Variants in DLX1 observed in about 807,000 individuals in gnomAD.
The protein encoded by DLX1 is homeobox protein DLX-1.
Under a neutral mutation model 25.0 loss-of-function variants are expected in DLX1, and 7 were observed. The observed-to-expected ratio is 0.28, with a 90% CI of 0.16 to 0.52. DLX1 has a LOEUF of 0.52. Ranked by LOEUF, DLX1 falls within the 20% of genes least tolerant of loss-of-function variation. The pLI is 0.96. For synonymous variants in DLX1, 155 were observed against 140.3 expected, an observed-to-expected ratio of 1.10 and a Z score of -0.74; for missense variants, 233 against 334.4, an observed-to-expected ratio of 0.70 and a Z score of 2.37.
At chr2:172,087,018 C>T (rs914173357) in intron 2 of DLX1, 165 bp downstream of exon 2, 3 of 770,944 alleles carry the variant, frequency 3.9e-6, no homozygotes, top group African/African-American at 3.4e-5. Flanking sequence ...CCCTCATTCC[C>T]TCTGCCCTAG....
At chr2:172,086,874 C>G (rs781505727) in intron 2 of DLX1, 21 bp downstream of exon 2, 24 of 1,613,602 alleles carry the variant, frequency 1.5e-5, no homozygotes, top group African/African-American at 2.7e-5. Flanking sequence ...GCTGCCGCTC[C>G]GTTCTGCCAC....
intron 2 of DLX1, 184 bp downstream of exon 2, chr2:172,087,037 C>T (rs1303471185): frequency 1.3e-6 from 1 of 741,850 alleles, no homozygotes; most frequent in Admixed American, 2.0e-5. Flanking sequence ...AGCTCTGTCA[C>T]TGCTCTCGGT....
chr2:172,087,400 G>C (rs1471634662), intron 2 of DLX1: 3 of 411,430 alleles, frequency 7.3e-6, no homozygotes, highest in Non-Finnish European at 1.5e-5. Context: ...GTTCCTGACG[G>C]CGGCGGGCGC....
rs990037511 is a variant in DLX1, at chr2:172,088,600, T to C, written c.*343T>C. On this transcript the variant is annotated 3_prime_UTR_variant, in exon 3 of 3. Transcript: ENST00000361725. The stretch of plus-strand genomic sequence containing the variant: ...AGGAAAAAACAAAACAAAAACAAAA[T>C]GTAGAAAAAGCAAAAGCTCTTTTCT... 6 of 251,606 alleles carry C rather than the reference T, an allele frequency of 2.4e-5. No individual in the cohort carries two copies. Among genetic ancestry groups the C allele is most frequent in the Non-Finnish European group, 4.5e-5 (6 of 132,466 alleles). The allele number at this position is 251,606 out of a possible 1,614,324, so 15.6% of individuals were successfully genotyped here. A position where few individuals can be genotyped will look rare whatever the true frequency, so the allele number is the denominator to read the frequency against.
Position 172,085,948 on chromosome 2 carries a change from C to A in DLX1, c.271C>A (p.Pro91Thr), listed in dbSNP as rs780725545. The change falls in exon 1 of 3, where the codon CCG becomes ACG. Residue 91 changes from proline to threonine, a missense_variant. This residue lies in a region of DLX1 where 126 missense variants were observed against 170.4 expected (regional missense o/e 0.74). Coordinates refer to ENST00000361725, the MANE Select transcript of DLX1 (RefSeq NM_178120.5). The surrounding 1 kb of genome is among the most constrained non-coding windows in gnomAD (Gnocchi z 4.3). Reference sequence around the variant, plus strand: ...CTACATCAGTTCGGTGCAGTCCTACCCGGGCAGCGCCAGCCTCGCCCAGAG... The same window carrying A: ...CTACATCAGTTCGGTGCAGTCCTACACGGGCAGCGCCAGCCTCGCCCAGAG... ...SPYISSVQSY[P>T]GSASLAQSRL... 6.2e-7 allele frequency: 1 copy of A among 1,613,844 alleles called. No homozygotes were observed. Among genetic ancestry groups the A allele is most frequent in the South Asian group, 1.1e-5 (1 of 91,068 alleles).
chr2:172,087,391 T>C, intron 2 of DLX1: 1 of 408,064 alleles, frequency 2.5e-6, no homozygotes, highest in Admixed American at 2.8e-5. Context: ...CCCGTGAGCG[T>C]TCCTGACGGC....
At chr2:172,087,901 G>C in intron 2 of DLX1, 102 bp from the exon 3 acceptor site, 1 of 1,464,176 alleles carries the variant, frequency 6.8e-7, no homozygotes, top group Non-Finnish European at 9.2e-7. Context: ...CGCAGGGTTG[G>C]GAGGTCCTAT....
chr2:172,086,050 G>T, intron 1 of DLX1, 60 bp downstream of exon 1: 1 of 1,486,446 alleles, frequency 6.7e-7, no homozygotes, highest in South Asian at 1.3e-5. Context: ...GGGAAAGAAG[G>T]AGCGGGGGAG....
At position 172,086,873 on chromosome 2, in the gene DLX1, C is replaced by G; in HGVS notation, c.513+20C>G. On this transcript the variant is annotated intron_variant, in intron 2 of 2. Transcript: ENST00000361725. ...ACTCAGGTACCTCGCCGCTGCCGCT[C>G]CGTTCTGCCACGCAGGCTTTCCGCG... 1 of 1,613,904 alleles carries G rather than the reference C, an allele frequency of 6.2e-7. No homozygotes were observed. The highest frequency in any genetic ancestry group is 1.3e-5 in the African/African-American group (1 of 75,072).
At position 172,088,131 on chromosome 2, in the gene DLX1, C is replaced by A; in HGVS notation, c.642C>A (p.Pro214=). ...CTGCTGGCTCCCCACCCGTGCCGCC[C>A]GGCTGGAACCCTAACTCTTCATCCG... ...ALSAGSPPVP[P]GWNPNSSSGK... is the part of the protein sequence containing the mutation. The change falls in exon 3 of 3, where the codon CCC becomes CCA. Residue 214 remains proline (P), a synonymous_variant. Transcript: ENST00000361725. The A allele has an allele frequency of 1.4e-5, 22 of 1,609,262 alleles. No individual in the cohort carries two copies. Among genetic ancestry groups the A allele is most frequent in the Non-Finnish European group, 1.9e-5 (22 of 1,177,628 alleles).
chr2:172,086,956 A>G, intron 2 of DLX1, 103 bp downstream of exon 2: 2 of 1,195,824 alleles, frequency 1.7e-6, no homozygotes, highest in Non-Finnish European at 2.5e-6. Context: ...TCGGGGTGTC[A>G]CTGTGTGTAT....
In DLX1 at chr2:172,085,911, C is replaced by T. The variant is rs750767486; in HGVS notation, c.234C>T (p.His78=). Residue 78 remains histidine, a synonymous_variant, in exon 1 of 3, where the codon CAC becomes CAT. Coordinates refer to ENST00000361725, the MANE Select transcript of DLX1 (RefSeq NM_178120.5). This position sits in a 1 kb window ranked among gnomAD's most constrained non-coding sequence, Gnocchi z 4.3. ...CCTACGTCAACTCGGTCAGCAGCCACGCATCCAGCCCCTACATCAGTTCGG... is the reference window on the plus strand; with the variant it reads ...CCTACGTCAACTCGGTCAGCAGCCATGCATCCAGCCCCTACATCAGTTCGG... ...GYPYVNSVSS[H]ASSPYISSVQ... 2.5e-6 allele frequency: 4 copies of T among 1,614,188 alleles called. No individual in the cohort carries two copies. The highest frequency in any genetic ancestry group is 3.4e-6 in the Non-Finnish European group (4 of 1,180,036).
Position 172,088,370 on chromosome 2 carries a change from G to C in DLX1, c.*113G>C. The stretch of plus-strand genomic sequence containing the variant: ...AGAGGGAAGAAGGAACAGTGGAGGC[G>C]GGACGCCCTCCATCTCCTCGGAGCC... On this transcript the variant is annotated 3_prime_UTR_variant, in exon 3 of 3. Coordinates refer to ENST00000361725, the MANE Select transcript of DLX1 (RefSeq NM_178120.5). 4 of 1,318,690 alleles carry C rather than the reference G, an allele frequency of 3.0e-6. No homozygotes were observed. Among genetic ancestry groups the C allele is most frequent in the Non-Finnish European group, 4.0e-6 (4 of 1,012,326 alleles). The allele number at this position is 1,318,690 out of a possible 1,614,324, so 81.7% of individuals were successfully genotyped here.
At chr2:172,086,514 T>C in intron 1 of DLX1, 140 bp from the exon 2 acceptor site, 1 of 848,118 alleles carries the variant, frequency 1.2e-6, no homozygotes, top group East Asian at 2.8e-5. Flanking sequence ...GGGGGACCCT[T>C]CCCTGGCTTT....
intron 2 of DLX1, chr2:172,087,309 C>G: frequency 2.7e-6 from 1 of 372,036 alleles, no homozygotes; most frequent in Non-Finnish European, 5.2e-6. Context: ...TCCGCCCTCT[C>G]ACCTCTCAAG....
At chr2:172,087,224 G>C (rs1690860369) in intron 2 of DLX1, 3 of 424,206 alleles carry the variant, frequency 7.1e-6, no homozygotes, top group Non-Finnish European at 1.4e-5. Flanking sequence ...CTAATCACTC[G>C]GGGCCTGGGT....
chr2:172,088,402 G>T lies in DLX1; in HGVS notation c.*145G>T. ...CCTCCATCTCCTCGGAGCCCCGCGA[G>T]GTCCGGCCCAGCAACTTCCCGGCAT... On this transcript the variant is annotated 3_prime_UTR_variant, in exon 3 of 3. Transcript: ENST00000361725. 2 of 1,137,602 alleles carry T rather than the reference G, an allele frequency of 1.8e-6. No homozygotes were observed. The highest frequency in any genetic ancestry group is 3.0e-5 in the East Asian group (1 of 33,064). The allele number at this position is 1,137,602 out of a possible 1,614,324, so 70.5% of individuals were successfully genotyped here.
At position 172,088,180 on chromosome 2, in the gene DLX1, G is replaced by A. The variant is rs1322214897; in HGVS notation, c.691G>A (p.Gly231Ser). 1.2e-5 allele frequency: 19 copies of A among 1,609,684 alleles called. No individual in the cohort carries two copies. Among genetic ancestry groups the A allele is most frequent in the Non-Finnish European group, 1.3e-5 (15 of 1,177,780 alleles). Residue 231 changes from glycine to serine, a missense_variant, in exon 3 of 3, where the codon GGC becomes AGC. Around this residue, in one of 3 missense-constraint regions of DLX1, gnomAD observed 84 missense variants for 81.8 expected, o/e 1.03. Transcript: ENST00000361725. The stretch of plus-strand genomic sequence containing the variant: ...CGGGAAGGGCTCAGGAGGAAACGCG[G>A]GCTCCTATATCCCCAGCTACACATC... ...SSGKGSGGNAGSYIPSYTSWY... is the reference protein window; with the variant it reads ...SSGKGSGGNASSYIPSYTSWY...
intron 2 of DLX1, chr2:172,087,609 AG>A (rs1416239319): frequency 1.0e-5 from 5 of 477,600 alleles, no homozygotes; most frequent in Non-Finnish European, 2.1e-5. Flanking sequence ...ACTCCTTCCT[AG>A]GTTTTCGATT....
Sources: allele counts gnomAD v4.1 joint callset, GRCh38; gene constraint gnomAD v4.1.1; regional missense constraint gnomAD v4.1.1; non-coding constraint Gnocchi (gnomAD v3.1); transcripts MANE v1.5; gene names NCBI Gene and HGNC (gene_info 2026-07-23, HGNC 2026-07-21).